COL23A1: variants seen among roughly 807,000 people sequenced by gnomAD.
The protein encoded by COL23A1 is collagen type XXIII alpha 1 chain, also known as collagen alpha-1(XXIII) chain.
COL23A1 carries 97 observed loss-of-function variants against 99.3 expected under a neutral mutation model. The ratio of observed to expected loss-of-function variants is 0.98; its 90% CI spans 0.83 to 1.16. The LOEUF is 1.16. Ranked by LOEUF, COL23A1 falls within the 50% of genes most tolerant of loss-of-function variation. COL23A1 has a pLI of 0.00. For synonymous variants in COL23A1, 320 were observed against 308.2 expected (o/e 1.04, Z -0.40); for missense variants, 762 against 757.4 (o/e 1.01, Z -0.07).
At chr5:178,523,208 A>AGG (rs1760093439) in intron 2 of COL23A1, among the ~76,000 whole-genome samples, 1 of 109,146 alleles carries the variant, frequency 9.2e-6, no homozygotes. Context: ...ATATAGAGAG[A>AGG]GAGAGAGAGA....
In COL23A1 at chr5:178,307,478, G is replaced by A. The variant is rs555289840; in HGVS notation, c.362-559C>T. On this transcript the variant is annotated intron_variant, in intron 2 of 28. Transcript: ENST00000390654. This position sits in a 1 kb window ranked among gnomAD's most constrained non-coding sequence, Gnocchi z 4.2. Reference sequence around the variant, plus strand: ...GGCCTCCAGCTCCTCCTTCCCCAGAGCCAGGGAGCTGCTCAGCCGCCTTCT... The same window carrying A: ...GGCCTCCAGCTCCTCCTTCCCCAGAACCAGGGAGCTGCTCAGCCGCCTTCT... Among the ~76,000 whole-genome samples the A allele has an allele frequency of 2.0e-5, 3 of 152,346 alleles. No individual in the cohort carries two copies. Among genetic ancestry groups the A allele is most frequent in the Admixed American group, 6.5e-5 (1 of 15,312 alleles).
chr5:178,334,739 G>A (rs1186660641), intron 2 of COL23A1, among the ~76,000 whole-genome samples: 1 of 152,216 alleles, frequency 6.6e-6, no homozygotes, highest in Non-Finnish European at 1.5e-5. Flanking sequence ...CACGAACCAA[G>A]GGACTGGTGT....
At chr5:178,417,622 G>A (rs940234551) in intron 2 of COL23A1, among the ~76,000 whole-genome samples, 8 of 152,190 alleles carry the variant, frequency 5.3e-5, no homozygotes, top group Non-Finnish European at 1.2e-4. Flanking sequence ...AACCCTCAAC[G>A]ATAAAGCGAC....
At chr5:178,279,117 C>T (rs1208648628) in intron 5 of COL23A1, among the ~76,000 whole-genome samples, 4 of 152,204 alleles carry the variant, frequency 2.6e-5, no homozygotes, top group African/African-American at 9.7e-5. Flanking sequence ...GACTGCCCCT[C>T]CTCTGGCTGC....
At chr5:178,380,144 A>G (rs1342071159) in intron 2 of COL23A1, among the ~76,000 whole-genome samples, 2 of 152,102 alleles carry the variant, frequency 1.3e-5, no homozygotes, top group Non-Finnish European at 2.9e-5. Context: ...CCTTTTTACC[A>G]CTGAGGAATG....
At position 178,413,450 on chromosome 5, in the gene COL23A1, A is replaced by G. The variant is rs145983132; in HGVS notation, c.362-106531T>C. Among the ~76,000 whole-genome samples, 547 of 152,322 alleles carry G rather than the reference A, an allele frequency of 3.6e-3. 2 individuals carry two copies. The highest frequency in any genetic ancestry group is 0.013 in the African/African-American group (524 of 41,566). On this transcript the variant is annotated intron_variant, in intron 2 of 28. Transcript: ENST00000390654. ...ATAGAAAGACAGAACTTTCTCAGTAAACTTTTCTTATATCATATGTTCAAT... is the reference window on the plus strand; with the variant it reads ...ATAGAAAGACAGAACTTTCTCAGTAGACTTTTCTTATATCATATGTTCAAT...
At chr5:178,501,283 C>A (rs757179217) in intron 2 of COL23A1, among the ~76,000 whole-genome samples, 21 of 152,062 alleles carry the variant, frequency 1.4e-4, no homozygotes, top group Non-Finnish European at 3.1e-4. Context: ...AAGGCACAGA[C>A]CAAAAAAAGC....
chr5:178,434,438 C>T lies in COL23A1; in HGVS notation c.361+126244G>A, dbSNP rs537614738. ...CCTGGACCAGGACTTGGACATTGGGCGGCTGTGTGACAGGCATGGACTCTC... is the reference window on the plus strand; with the variant it reads ...CCTGGACCAGGACTTGGACATTGGGTGGCTGTGTGACAGGCATGGACTCTC... On this transcript the variant is annotated intron_variant, in intron 2 of 28. Transcript: ENST00000390654. The surrounding 1 kb of genome is among the most constrained non-coding windows in gnomAD (Gnocchi z 4.3). 9.2e-5 allele frequency among the ~76,000 whole-genome samples: 14 copies of T among 152,368 alleles called. No individual in the cohort carries two copies. Among genetic ancestry groups the T allele is most frequent in the African/African-American group, 3.1e-4 (13 of 41,592 alleles).
chr5:178,503,965 A>G lies in COL23A1; in HGVS notation c.361+56717T>C, dbSNP rs534680170. 5.8e-4 allele frequency among the ~76,000 whole-genome samples: 89 copies of G among 152,262 alleles called. No individual in the cohort carries two copies. The South Asian group carries it at 0.018, about 31-fold the overall frequency. On this transcript the variant is annotated intron_variant, in intron 2 of 28. Transcript: ENST00000390654. ...TTGGGAAACAGGTCCTCGGGTGTTC[A>G]TGATCACATTTTGCTTTGTGACTTG...
chr5:178,453,557 C>A (rs760946409), intron 2 of COL23A1, among the ~76,000 whole-genome samples: 1 of 152,084 alleles, frequency 6.6e-6, no homozygotes, highest in Non-Finnish European at 1.5e-5. Context: ...AAGGAATCTA[C>A]CCCTTAATTT....
At chr5:178,407,674 C>A (rs1327353070) in intron 2 of COL23A1, among the ~76,000 whole-genome samples, 2 of 151,976 alleles carry the variant, frequency 1.3e-5, no homozygotes, top group Admixed American at 1.3e-4. Flanking sequence ...AAGTGAAAAA[C>A]ACAAGAAATG....
At chr5:178,334,412 CCACCGGGCGG>C (rs1170680646) in intron 2 of COL23A1, among the ~76,000 whole-genome samples, 1 of 152,236 alleles carries the variant, frequency 6.6e-6, no homozygotes, top group African/African-American at 2.4e-5. Context: ...AGGAAGGGGG[CCACCGGGCGG>C]CACCGGCCGG....
intron 2 of COL23A1, among the ~76,000 whole-genome samples, chr5:178,503,888 C>T (rs1258494679): frequency 6.6e-6 from 1 of 152,136 alleles, no homozygotes; most frequent in Non-Finnish European, 1.5e-5. Flanking sequence ...GGGCAGAGCC[C>T]TGGGCTAGGT....
chr5:178,363,414 C>A (rs577229897), intron 2 of COL23A1, among the ~76,000 whole-genome samples: 3 of 152,196 alleles, frequency 2.0e-5, no homozygotes, highest in Non-Finnish European at 4.4e-5. Flanking sequence ...TGCACTCACT[C>A]ATTCACTGAT....
intron 2 of COL23A1, among the ~76,000 whole-genome samples, chr5:178,424,935 C>T (rs771229273): frequency 2.6e-5 from 4 of 152,196 alleles, no homozygotes; most frequent in Non-Finnish European, 5.9e-5. Context: ...GTCCTGGCCT[C>T]GCCTCCTCCT....
chr5:178,286,005 T>C (rs1757131295), intron 5 of COL23A1, among the ~76,000 whole-genome samples: 1 of 152,162 alleles, frequency 6.6e-6, no homozygotes, highest in Admixed American at 6.5e-5. Flanking sequence ...ACGAGGGGTC[T>C]GGAGGCACAC....
At chr5:178,482,357 C>A (rs1757385382) in intron 2 of COL23A1, among the ~76,000 whole-genome samples, 1 of 151,822 alleles carries the variant, frequency 6.6e-6, no homozygotes, top group South Asian at 2.1e-4. Flanking sequence ...AGAAGCCAGA[C>A]ACAAAAGGAC....
intron 2 of COL23A1, among the ~76,000 whole-genome samples, chr5:178,432,945 C>T (rs2127821855): frequency 6.6e-6 from 1 of 152,268 alleles, no homozygotes; most frequent in African/African-American, 2.4e-5. Flanking sequence ...AACTCGAATC[C>T]ACCACACCCC....
At chr5:178,456,832 GT>G (rs112421509) in intron 2 of COL23A1, among the ~76,000 whole-genome samples, 7,033 of 152,256 alleles carry the variant, frequency 0.046, 580 homozygotes, top group African/African-American at 0.16. Context: ...TCTTAAGATA[GT>G]AAAAATGTCT....
Sources: gnomAD v4.1 joint callset for allele counts (sites outside exome capture counted in the v4.1 genomes callset) on GRCh38, gnomAD v4.1.1 for gene constraint, Gnocchi (gnomAD v3.1) non-coding constraint, MANE v1.5 for transcripts, NCBI Gene and HGNC (gene_info 2026-07-23, HGNC 2026-07-21) for gene names.